CYSTM1: variants seen among roughly 807,000 people sequenced by gnomAD.
The protein encoded by CYSTM1 is cysteine-rich transmembrane module-containing protein 1.
CYSTM1 carries 4 observed loss-of-function variants against 13.1 expected under a neutral mutation model. The ratio of observed to expected loss-of-function variants is 0.31; its 90% CI spans 0.15 to 0.70. The LOEUF is 0.70. Ranked by LOEUF, CYSTM1 falls within the 30% of genes least tolerant of loss-of-function variation. The pLI, the probability that CYSTM1 is intolerant of heterozygous loss-of-function variation, is 0.72. For missense variants in CYSTM1, 96 were observed against 121.6 expected (o/e 0.79, Z 0.99); for synonymous variants, 36 against 42.7 (o/e 0.84, Z 0.62).
chr5:140,226,430 A>G (rs1359309909), intron 2 of CYSTM1, among the ~76,000 whole-genome samples: 1 of 142,790 alleles, frequency 7.0e-6, no homozygotes, highest in Non-Finnish European at 1.5e-5. Context: ...GGAGTTCGAG[A>G]CCAGCCTGGC....
chr5:140,239,114 A>C lies in CYSTM1; in HGVS notation c.188-4191A>C, dbSNP rs375065390. ...CTCTCTTGGGTTGGGACTGGTACAG[A>C]CACTTGCAAAAACAAGAAGGACCTA... On this transcript the variant is annotated intron_variant, in intron 2 of 2. Coordinates refer to ENST00000261811, the MANE Select transcript of CYSTM1 (RefSeq NM_032412.4). This position sits in a 1 kb window ranked among gnomAD's most constrained non-coding sequence, Gnocchi z 5.4. Among the ~76,000 whole-genome samples the C allele has an allele frequency of 2.6e-5, 4 of 152,284 alleles. No homozygotes were observed. Among genetic ancestry groups the C allele is most frequent in the African/African-American group, 9.6e-5 (4 of 41,564 alleles).
In CYSTM1 at chr5:140,184,173, T is replaced by G. The variant is rs183318698; in HGVS notation, c.-21+8888T>G. ...CAGGTTTAGAAATAGAAGTTTATTT[T>G]TAAACCCAAATGGGGTAATAGAATG... On this transcript the variant is annotated intron_variant, in intron 1 of 2. Coordinates refer to ENST00000261811, the MANE Select transcript of CYSTM1 (RefSeq NM_032412.4). Among the ~76,000 whole-genome samples, 234 of 152,344 alleles carry G rather than the reference T, an allele frequency of 1.5e-3. 4 individuals are homozygous for G. The highest frequency in any genetic ancestry group is 4.0e-3 in the African/African-American group (166 of 41,578).
chr5:140,213,174 A>C (rs1459272913), intron 2 of CYSTM1, among the ~76,000 whole-genome samples: 1 of 151,436 alleles, frequency 6.6e-6, no homozygotes, highest in Non-Finnish European at 1.5e-5. Context: ...CAAGATGTGG[A>C]AGTGGAAGAC....
At chr5:140,240,647 G>A (rs1338806987) in intron 2 of CYSTM1, among the ~76,000 whole-genome samples, 1 of 151,960 alleles carries the variant, frequency 6.6e-6, no homozygotes, top group African/African-American at 2.4e-5. Flanking sequence ...GGATCCTGGG[G>A]CAGAGACTAG....
At position 140,238,900 on chromosome 5, in the gene CYSTM1, CT is replaced by C. The variant is rs376621265; in HGVS notation, c.188-4404del. On this transcript the variant is annotated intron_variant, in intron 2 of 2. Coordinates refer to ENST00000261811, the MANE Select transcript of CYSTM1 (RefSeq NM_032412.4). The stretch of plus-strand genomic sequence containing the variant: ...GCCCCTGGCAAAGCCATCATCTCCC[CT>C]GGTGGCACTTTTTGGAAGGTGTGGT... Among the ~76,000 whole-genome samples the C allele has an allele frequency of 9.0e-3, 1,374 of 152,306 alleles. 12 individuals carry two copies. The highest frequency in any genetic ancestry group is 0.015 in the Non-Finnish European group (1,014 of 68,020).
chr5:140,204,524 C>G (rs1002867786), intron 2 of CYSTM1, among the ~76,000 whole-genome samples: 2 of 152,086 alleles, frequency 1.3e-5, no homozygotes, highest in Admixed American at 6.5e-5. Context: ...TGCACCCCCC[C>G]ACCCCTAAAA....
chr5:140,211,905 C>T (rs1366479803), intron 2 of CYSTM1, among the ~76,000 whole-genome samples: 1 of 152,190 alleles, frequency 6.6e-6, no homozygotes, highest in African/African-American at 2.4e-5. Context: ...CAAGATGTCG[C>T]CACTGCACTC....
chr5:140,188,787 A>AG (rs1438545924), intron 1 of CYSTM1, among the ~76,000 whole-genome samples: 1 of 151,930 alleles, frequency 6.6e-6, no homozygotes, highest in South Asian at 2.1e-4. Context: ...TCAAAAAAAA[A>AG]AAAAAAAAAG....
intron 2 of CYSTM1, among the ~76,000 whole-genome samples, chr5:140,215,953 CA>C (rs1192714748): frequency 1.1e-4 from 16 of 151,992 alleles, no homozygotes; most frequent in Non-Finnish European, 2.2e-4. Context: ...CTAGCCTGGG[CA>C]ATGTAGGAAA....
At chr5:140,200,575 T>TTTTTTTC in intron 2 of CYSTM1, 1 of 146,926 alleles carries the variant, frequency 6.8e-6, no homozygotes, top group Non-Finnish European at 1.5e-5. Flanking sequence ...TTTTTTTTTT[T>TTTTTTTC]TTTGAGGCAG....
At chr5:140,200,825 C>T (rs966713722) in intron 2 of CYSTM1, 5 of 152,354 alleles carry the variant, frequency 3.3e-5, no homozygotes, top group Middle Eastern at 3.4e-3. Context: ...TCTCAGAGTG[C>T]TGGGATTACA....
chr5:140,186,883 T>A (rs1764020599), intron 1 of CYSTM1, among the ~76,000 whole-genome samples: 1 of 152,196 alleles, frequency 6.6e-6, no homozygotes, highest in African/African-American at 2.4e-5. Flanking sequence ...CCCAGCACTT[T>A]GGGAGGCTGA....
chr5:140,187,246 G>A (rs1764025746), intron 1 of CYSTM1, among the ~76,000 whole-genome samples: 1 of 148,810 alleles, frequency 6.7e-6, no homozygotes, highest in Admixed American at 6.7e-5. Flanking sequence ...GAGGGACTTA[G>A]AATGTAAAGT....
At chr5:140,236,679 A>T (rs574188701) in intron 2 of CYSTM1, among the ~76,000 whole-genome samples, 34 of 152,238 alleles carry the variant, frequency 2.2e-4, no homozygotes, top group Admixed American at 3.9e-4. Flanking sequence ...CCTGTAGGAG[A>T]GGAAGCAGAG....
At chr5:140,199,194 T>C (rs1764190175) in intron 2 of CYSTM1, among the ~76,000 whole-genome samples, 1 of 152,238 alleles carries the variant, frequency 6.6e-6, no homozygotes, top group South Asian at 2.1e-4. Flanking sequence ...ATTTTCTTTA[T>C]CCAGTCTATC....
chr5:140,198,558 C>T (rs1194566002), intron 2 of CYSTM1, among the ~76,000 whole-genome samples: 6 of 152,200 alleles, frequency 3.9e-5, no homozygotes, highest in Non-Finnish European at 8.8e-5. Flanking sequence ...GTGGAAGCTG[C>T]CAGGATTTTG....
At chr5:140,204,339 C>A (rs1360529189) in intron 2 of CYSTM1, among the ~76,000 whole-genome samples, 1 of 152,168 alleles carries the variant, frequency 6.6e-6, no homozygotes, top group Non-Finnish European at 1.5e-5. Context: ...AGCCACTGCA[C>A]TCCAGCTTGT....
chr5:140,193,931 G>A (rs1014718284), intron 1 of CYSTM1, among the ~76,000 whole-genome samples: 4 of 152,194 alleles, frequency 2.6e-5, no homozygotes, highest in African/African-American at 4.8e-5. Flanking sequence ...ACAAACTTTG[G>A]TTGGTCATTG....
At chr5:140,227,232 TA>T (rs1764568492) in intron 2 of CYSTM1, among the ~76,000 whole-genome samples, 1 of 152,154 alleles carries the variant, frequency 6.6e-6, no homozygotes, top group Non-Finnish European at 1.5e-5. Flanking sequence ...GTTGATTTGG[TA>T]AATTCTGAAG....
Sources: allele counts gnomAD v4.1 joint callset (sites outside exome capture counted in the v4.1 genomes callset), GRCh38; gene constraint gnomAD v4.1.1; non-coding constraint Gnocchi (gnomAD v3.1); transcripts MANE v1.5; gene names NCBI Gene and HGNC (gene_info 2026-07-23, HGNC 2026-07-21).